Variants in BACH2 observed in about 807,000 individuals in gnomAD.
BACH2 encodes the protein BACH transcriptional regulator 2.
BACH2 carries 5 observed loss-of-function variants against 61.8 expected under a neutral mutation model. The observed-to-expected ratio is 0.08, with a 90% CI of 0.04 to 0.17. The LOEUF (loss-of-function observed/expected upper bound fraction) is 0.17. Among genes scored for constraint, BACH2 ranks in the 10% least tolerant of loss-of-function variants. The pLI, the probability that BACH2 is intolerant of heterozygous loss-of-function variation, is 1.00. For synonymous variants in BACH2, 446 were observed against 440.1 expected (o/e 1.01, Z -0.17); for missense variants, 824 against 1,091.1 (o/e 0.76, Z 3.45).
At chr6:89,946,462 C>T (rs1773726788) in intron 7 of BACH2, among the ~76,000 whole-genome samples, 1 of 152,112 alleles carries the variant, frequency 6.6e-6, no homozygotes, top group Non-Finnish European at 1.5e-5. Flanking sequence ...TTGAAACTAA[C>T]CCACAAAAAT....
At chr6:89,957,039 C>G (rs1429099913) in intron 6 of BACH2, among the ~76,000 whole-genome samples, 1 of 152,228 alleles carries the variant, frequency 6.6e-6, no homozygotes, top group Non-Finnish European at 1.5e-5. Flanking sequence ...CTCTTACACA[C>G]TGCAGGAACC....
At chr6:90,116,632 T>C in intron 4 of BACH2, 1 of 259,968 alleles carries the variant, frequency 3.8e-6, no homozygotes, top group Non-Finnish European at 8.1e-6. Context: ...AAAAAGAGAA[T>C]CATACAGTGG....
chr6:90,089,629 T>C (rs1049696210), intron 4 of BACH2, among the ~76,000 whole-genome samples: 1 of 152,182 alleles, frequency 6.6e-6, no homozygotes, highest in Non-Finnish European at 1.5e-5. Context: ...TACATGCTTA[T>C]TGTAGAACAT....
chr6:89,982,306 G>A (rs143302726), intron 6 of BACH2, among the ~76,000 whole-genome samples: 88 of 152,208 alleles, frequency 5.8e-4, no homozygotes, highest in Admixed American at 2.0e-3. Context: ...GCAAGTGGGA[G>A]GTGGTCTTGG....
intron 4 of BACH2, among the ~76,000 whole-genome samples, chr6:90,157,770 G>A (rs940039399): frequency 1.3e-5 from 2 of 152,120 alleles, no homozygotes; most frequent in African/African-American, 4.8e-5. Flanking sequence ...GGGGCTAATG[G>A]CCATTGAGTG....
At chr6:90,128,979 G>A (rs963286202) in intron 4 of BACH2, among the ~76,000 whole-genome samples, 22 of 151,936 alleles carry the variant, frequency 1.4e-4, no homozygotes, top group East Asian at 3.9e-4. Context: ...ACCAAACACC[G>A]CATGTTCTCA....
intron 5 of BACH2, among the ~76,000 whole-genome samples, chr6:90,029,128 T>C (rs754394068): frequency 6.6e-6 from 1 of 152,146 alleles, no homozygotes; most frequent in Non-Finnish European, 1.5e-5. Flanking sequence ...CCCGGCCTGC[T>C]TCCTATCTCT....
chr6:89,952,892 T>C (rs1319223584), intron 6 of BACH2: 1 of 152,238 alleles, frequency 6.6e-6, no homozygotes, highest in Admixed American at 6.5e-5. Flanking sequence ...GGATTAAACT[T>C]GCTGGTGTTC....
chr6:90,101,412 T>C (rs1782620710), intron 4 of BACH2, among the ~76,000 whole-genome samples: 1 of 152,232 alleles, frequency 6.6e-6, no homozygotes, highest in African/African-American at 2.4e-5. Flanking sequence ...TTAATTTTTG[T>C]ATATGGTGTA....
At chr6:90,246,161 T>C (rs542783632) in intron 3 of BACH2, among the ~76,000 whole-genome samples, 15 of 152,312 alleles carry the variant, frequency 9.8e-5, no homozygotes, top group African/African-American at 3.4e-4. Context: ...TAAATGCACA[T>C]AAACTCTAGG....
chr6:90,173,044 A>AGGGTAAGC (rs1484645634), intron 4 of BACH2, among the ~76,000 whole-genome samples: 1 of 152,022 alleles, frequency 6.6e-6, no homozygotes. Context: ...CAACATCTCT[A>AGGGTAAGC]GGGTAAGCGT....
At chr6:90,061,203 G>A (rs190868559) in intron 5 of BACH2, among the ~76,000 whole-genome samples, 19 of 152,278 alleles carry the variant, frequency 1.2e-4, no homozygotes, top group Admixed American at 7.8e-4. Flanking sequence ...TAGTTCAGGT[G>A]AGAAATTGAA....
chr6:90,038,778 C>A (rs1779386885), intron 5 of BACH2, among the ~76,000 whole-genome samples: 1 of 152,060 alleles, frequency 6.6e-6, no homozygotes, highest in African/African-American at 2.4e-5. Context: ...GTGGCTCACA[C>A]TTGTAATCCC....
At chr6:90,241,613 T>G (rs1252488526) in intron 3 of BACH2, among the ~76,000 whole-genome samples, 1 of 152,074 alleles carries the variant, frequency 6.6e-6, no homozygotes, top group African/African-American at 2.4e-5. Context: ...AAAAGCAAGG[T>G]AGGAGACAAC....
chr6:90,212,184 G>C (rs2127852076), intron 3 of BACH2, among the ~76,000 whole-genome samples: 1 of 152,144 alleles, frequency 6.6e-6, no homozygotes, highest in Middle Eastern at 3.4e-3. Flanking sequence ...TTCAACTGGA[G>C]ACTTTCAACT....
rs10602894 is a variant in BACH2, at chr6:90,138,053, A to AACACACAC, written c.-161-48952_-161-48945dup. Among the ~76,000 whole-genome samples the AACACACAC allele has an allele frequency of 2.9e-3, 421 of 143,656 alleles. 1 individual carries two copies. Among genetic ancestry groups the AACACACAC allele is most frequent in the Middle Eastern group, 0.01 (3 of 286 alleles). 94.2% of individuals were successfully genotyped at this position (143,656 alleles called of 152,430 possible). The stretch of plus-strand genomic sequence containing the variant: ...GAGATCATGACTATTCTAATCATAA[A>AACACACAC]ACACACACACACACACACACACACA... On this transcript the variant is annotated intron_variant, in intron 4 of 8. Coordinates refer to ENST00000257749, the MANE Select transcript of BACH2 (RefSeq NM_021813.4).
At chr6:89,962,744 T>C (rs866293547) in intron 6 of BACH2, among the ~76,000 whole-genome samples, 7 of 152,334 alleles carry the variant, frequency 4.6e-5, no homozygotes, top group African/African-American at 1.7e-4. Context: ...AAAAATGTCT[T>C]GAACCCAAAA....
intron 5 of BACH2, among the ~76,000 whole-genome samples, chr6:90,033,633 A>T (rs4053617): frequency 6.6e-6 from 1 of 151,958 alleles, no homozygotes; most frequent in African/African-American, 2.4e-5. Flanking sequence ...AAATAACAGC[A>T]TATGCGTTGT....
At chr6:90,103,436 A>T (rs528476485) in intron 4 of BACH2, among the ~76,000 whole-genome samples, 14 of 152,174 alleles carry the variant, frequency 9.2e-5, no homozygotes, top group Non-Finnish European at 1.3e-4. Flanking sequence ...TTTTGAAGAG[A>T]TCCTGGTATT....
Sources: allele counts gnomAD v4.1 joint callset (sites outside exome capture counted in the v4.1 genomes callset), GRCh38; gene constraint gnomAD v4.1.1; transcripts MANE v1.5; gene names NCBI Gene and HGNC (gene_info 2026-07-23, HGNC 2026-07-21).